SLC44A2: variants seen among roughly 807,000 people sequenced by gnomAD.
SLC44A2 encodes choline transporter-like protein 2.
In SLC44A2, 57 loss-of-function variants were observed where a neutral mutation model predicts 90.8. That is an observed-to-expected ratio of 0.63 (90% CI 0.51 to 0.78). The LOEUF (loss-of-function observed/expected upper bound fraction) is 0.78. SLC44A2 is among the 30% of genes least tolerant of loss of function. The pLI is 0.00. For missense variants in SLC44A2, 794 were observed against 919.7 expected, an observed-to-expected ratio of 0.86 and a Z score of 1.77; for synonymous variants, 355 against 360.7, an observed-to-expected ratio of 0.98 and a Z score of 0.18.
intron 1 of SLC44A2, among the ~76,000 whole-genome samples, chr19:10,617,170 TG>T (rs2066862430): frequency 1.7e-4 from 1 of 5,786 alleles, no homozygotes; most frequent in South Asian, 4.4e-3. Flanking sequence ...TCCGCCCGCC[TG>T]GGGCTCCCAA....
intron 1 of SLC44A2, among the ~76,000 whole-genome samples, chr19:10,614,312 A>G (rs2066837712): frequency 1.3e-5 from 2 of 152,030 alleles, no homozygotes; most frequent in Non-Finnish European, 2.9e-5. Flanking sequence ...GTGTCTTGTT[A>G]CAGCAACGAA....
Position 10,627,375 on chromosome 19 carries a change from A to G in SLC44A2, c.87-347A>G, listed in dbSNP as rs535816873. 5.9e-5 allele frequency among the ~76,000 whole-genome samples: 9 copies of G among 151,410 alleles called. No individual in the cohort carries two copies. The East Asian group carries it at 1.7e-3, about 29-fold the overall frequency. On this transcript the variant is annotated intron_variant, in intron 2 of 21. Coordinates refer to ENST00000335757, the MANE Select transcript of SLC44A2 (RefSeq NM_020428.4). ...ACATAGCGAGACCTTGTCTCTACAG[A>G]ATGTATATAAATTAAAAAAAAAATG...
chr19:10,602,481 C>T (rs1365118186), upstream of SLC44A2: 9 of 1,192,372 alleles, frequency 7.5e-6, no homozygotes, highest in East Asian at 3.2e-4. Context: ...CCCGCCCGCC[C>T]GGGCTGGGGT....
At position 10,636,653 on chromosome 19, in the gene SLC44A2, G is replaced by A; in HGVS notation, c.1497-9G>A. 1.2e-6 allele frequency: 2 copies of A among 1,612,426 alleles called. No homozygotes were observed. The stretch of plus-strand genomic sequence containing the variant: ...TGGCCCAGCCACCGACCACTCCCTC[G>A]GCCCGCAGGTACCACACAGGCTCCC... On this transcript the variant is annotated splice_polypyrimidine_tract_variant and intron_variant, in intron 15 of 21. Transcript: ENST00000335757.
chr19:10,602,481 C>G (rs1365118186), upstream of SLC44A2: 6 of 1,192,264 alleles, frequency 5.0e-6, no homozygotes, highest in Middle Eastern at 1.3e-3. Context: ...CCCGCCCGCC[C>G]GGGCTGGGGT....
chr19:10,616,373 A>C (rs1158667994), intron 1 of SLC44A2, among the ~76,000 whole-genome samples: 2 of 151,728 alleles, frequency 1.3e-5, no homozygotes, highest in African/African-American at 4.8e-5. Flanking sequence ...TGGGACTACA[A>C]AGGCATGTCA....
intron 20 of SLC44A2, chr19:10,641,447 G>C (rs1325040465): frequency 6.9e-6 from 3 of 435,790 alleles, no homozygotes; most frequent in African/African-American, 2.1e-5. Context: ...TGGTTTCCTG[G>C]AGGAGGTGGG....
chr19:10,637,995 C>T (rs1416645004), intron 18 of SLC44A2, 28 bp from the exon 19 acceptor site: 9 of 1,613,978 alleles, frequency 5.6e-6, no homozygotes, highest in Non-Finnish European at 6.8e-6. Flanking sequence ...AGCCAGCATT[C>T]ACACCTGCCC....
intron 21 of SLC44A2, chr19:10,642,789 C>A: frequency 7.5e-7 from 1 of 1,331,230 alleles, no homozygotes; most frequent in Non-Finnish European, 1.0e-6. Context: ...TTTCTTCTCT[C>A]TTCCTCTCCT....
intron 14 of SLC44A2, chr19:10,636,066 C>T (rs1462633823): frequency 4.0e-6 from 2 of 503,278 alleles, no homozygotes; most frequent in Non-Finnish European, 7.0e-6. Flanking sequence ...TGTGAGCCAC[C>T]TCGCCCGGCC....
chr19:10,617,097 T>C (rs763985191), intron 1 of SLC44A2, among the ~76,000 whole-genome samples: 1 of 151,906 alleles, frequency 6.6e-6, no homozygotes, highest in Non-Finnish European at 1.5e-5. Context: ...AATTTTTGTA[T>C]TTTTAGTAGA....
At chr19:10,622,867 A>G (rs2066902775), upstream of SLC44A2, among the ~76,000 whole-genome samples, 1 of 152,198 alleles carries the variant, frequency 6.6e-6, no homozygotes, top group Non-Finnish European at 1.5e-5. Flanking sequence ...ATGCCACTGC[A>G]TTCCAGCCTG....
At chr19:10,626,402 A>G in intron 2 of SLC44A2, 101 bp downstream of exon 2, 1 of 955,270 alleles carries the variant, frequency 1.0e-6, no homozygotes, top group Non-Finnish European at 1.7e-6. Context: ...CTGGTGACAA[A>G]TATTTGAAAC....
At chr19:10,608,321 G>A (rs1037041460) in intron 1 of SLC44A2, among the ~76,000 whole-genome samples, 9 of 151,480 alleles carry the variant, frequency 5.9e-5, no homozygotes, top group African/African-American at 2.2e-4. Flanking sequence ...TCAGCCTCCC[G>A]AGTAGCTGGG....
intron 20 of SLC44A2, chr19:10,640,901 A>T (rs1042838996): frequency 4.6e-6 from 1 of 219,184 alleles, no homozygotes; most frequent in African/African-American, 2.4e-5. Flanking sequence ...CCTGGCTAAC[A>T]TGGTGAAACC....
At chr19:10,611,886 G>A (rs1918313411) in intron 1 of SLC44A2, among the ~76,000 whole-genome samples, 1 of 152,110 alleles carries the variant, frequency 6.6e-6, no homozygotes, top group South Asian at 2.1e-4. Context: ...TGTTCTGGCA[G>A]GGGGACTAAA....
upstream of SLC44A2, among the ~76,000 whole-genome samples, chr19:10,623,446 C>G (rs531621846): frequency 1.4e-4 from 21 of 152,208 alleles, no homozygotes; most frequent in South Asian, 2.3e-3. Flanking sequence ...TGTGTACACC[C>G]AGCACTAAAT....
At chr19:10,635,773 CTTTTTTTTTTTT>C (rs773477557) in intron 14 of SLC44A2, 6 of 206,038 alleles carry the variant, frequency 2.9e-5, no homozygotes, top group African/African-American at 5.7e-5. Flanking sequence ...TCCCTACTTC[CTTTTTTTTTTTT>C]TTTTTTTTTA....
chr19:10,634,347 C>T (rs1463584580), intron 10 of SLC44A2, among the ~76,000 whole-genome samples: 1 of 151,140 alleles, frequency 6.6e-6, no homozygotes, highest in Non-Finnish European at 1.5e-5. Flanking sequence ...GCCTGTAATC[C>T]CAGCTGCTCG....
Sources: allele counts gnomAD v4.1 joint callset (sites outside exome capture counted in the v4.1 genomes callset), GRCh38; gene constraint gnomAD v4.1.1; transcripts MANE v1.5; gene names NCBI Gene and HGNC (gene_info 2026-07-23, HGNC 2026-07-21).